Variants in MAP2K6 observed in about 807,000 individuals in gnomAD.
The protein encoded by MAP2K6 is dual specificity mitogen-activated protein kinase kinase 6.
MAP2K6 carries 16 observed loss-of-function variants against 53.7 expected under a neutral mutation model. That is an observed-to-expected ratio of 0.30 (90% CI 0.20 to 0.45). The LOEUF (loss-of-function observed/expected upper bound fraction) is 0.45, where lower values mean the gene tolerates loss of function less well. MAP2K6 is among the 20% of genes least tolerant of loss of function. The probability of loss-of-function intolerance (pLI) is 1.00; values close to 1 mark genes in which losing one functional copy is unlikely to be tolerated. For synonymous variants in MAP2K6, 132 were observed against 143.1 expected (o/e 0.92, Z 0.55); for missense variants, 204 against 411.9 (o/e 0.50, Z 4.37).
At chr17:69,505,912 T>G in intron 2 of MAP2K6, 66 bp downstream of exon 2, 1 of 1,397,902 alleles carries the variant, frequency 7.2e-7, no homozygotes. Flanking sequence ...TGGGGGTTTA[T>G]TTTTGGACTG....
chr17:69,414,947 C>A lies in MAP2K6; in HGVS notation c.-38C>A. On this transcript the variant is annotated 5_prime_UTR_variant, in exon 1 of 12. Coordinates refer to ENST00000590474, the MANE Select transcript of MAP2K6 (RefSeq NM_002758.4). ...CTACAGAAGAGAAGCAAGGCAAAGT[C>A]TTTTGTGCTCCCCTCCCCCATCAAA... The A allele has an allele frequency of 6.5e-7, 1 of 1,534,026 alleles. No individual in the cohort carries two copies. The highest frequency in any genetic ancestry group is 1.4e-5 in the African/African-American group (1 of 73,108).
chr17:69,502,829 CT>C, intron 1 of MAP2K6: 1 of 453,178 alleles, frequency 2.2e-6, no homozygotes, highest in Non-Finnish European at 2.9e-6. Context: ...GTGCTAAAAA[CT>C]TTCTCTCTTT....
At chr17:69,460,966 C>T (rs911303317) in intron 1 of MAP2K6, among the ~76,000 whole-genome samples, 26 of 152,146 alleles carry the variant, frequency 1.7e-4, no homozygotes, top group African/African-American at 4.8e-4. Flanking sequence ...GTGGGTGAGC[C>T]GCACGGGGAA....
chr17:69,500,051 G>A (rs1447425469), intron 1 of MAP2K6, among the ~76,000 whole-genome samples: 2 of 152,170 alleles, frequency 1.3e-5, no homozygotes, highest in African/African-American at 4.8e-5. Flanking sequence ...GACAGCTAGA[G>A]CCCTCCAGGT....
intron 1 of MAP2K6, among the ~76,000 whole-genome samples, chr17:69,462,563 G>T (rs529743852): frequency 6.6e-6 from 1 of 152,190 alleles, no homozygotes; most frequent in East Asian, 1.9e-4. Flanking sequence ...CAGAACTACG[G>T]TTTCTTTTTC....
chr17:69,484,547 C>A (rs941821479), intron 1 of MAP2K6, among the ~76,000 whole-genome samples: 5 of 152,018 alleles, frequency 3.3e-5, no homozygotes, highest in Admixed American at 3.3e-4. Flanking sequence ...TATAGAGTTA[C>A]TGTTGGACCT....
intron 1 of MAP2K6, among the ~76,000 whole-genome samples, chr17:69,471,026 C>A (rs891416517): frequency 6.6e-6 from 1 of 152,130 alleles, no homozygotes; most frequent in Admixed American, 6.5e-5. Flanking sequence ...TACCTGCACA[C>A]AGGAAGAGCT....
chr17:69,483,225 C>T (rs1426683593), intron 1 of MAP2K6, among the ~76,000 whole-genome samples: 2 of 151,778 alleles, frequency 1.3e-5, no homozygotes, highest in Non-Finnish European at 1.5e-5. Context: ...ACTAAGAAAA[C>T]TATTAGCACT....
intron 1 of MAP2K6, among the ~76,000 whole-genome samples, chr17:69,416,039 A>C (rs1287191720): frequency 2.6e-5 from 4 of 152,180 alleles, no homozygotes; most frequent in African/African-American, 9.7e-5. Context: ...GTTTCAGAAC[A>C]ATTGTTTCTT....
chr17:69,524,441 C>G (rs1910655273), intron 8 of MAP2K6, among the ~76,000 whole-genome samples: 1 of 150,654 alleles, frequency 6.6e-6, no homozygotes, highest in Non-Finnish European at 1.5e-5. Context: ...GGAACGGCCA[C>G]TAGATTCTAC....
At chr17:69,435,957 T>C (rs1906626988) in intron 1 of MAP2K6, among the ~76,000 whole-genome samples, 1 of 151,886 alleles carries the variant, frequency 6.6e-6, no homozygotes, top group African/African-American at 2.4e-5. Context: ...CGTGAGCCAC[T>C]GTGCCCAGCC....
chr17:69,521,727 C>A (rs1212309845), intron 7 of MAP2K6: 1 of 149,818 alleles, frequency 6.7e-6, no homozygotes, highest in African/African-American at 2.5e-5. Flanking sequence ...TAATAGATCC[C>A]CTGAGAGGTA....
intron 4 of MAP2K6, 24 bp from the exon 5 acceptor site, chr17:69,519,289 A>T (rs182187633): frequency 1.5e-5 from 24 of 1,609,898 alleles, no homozygotes; most frequent in Non-Finnish European, 2.0e-5. Flanking sequence ...AGTAACCATA[A>T]ATTTTCCATG....
rs565597486 is a variant in MAP2K6, at chr17:69,502,252, G to C, written c.17-3528G>C. On this transcript the variant is annotated intron_variant, in intron 1 of 11. Transcript: ENST00000590474. ...GCAATCCGAACTTGAGGAGGGGGTG[G>C]AGTCTGTTCAGTTCTGTTTCTCCTT... The C allele has an allele frequency of 4.1e-6, 4 of 985,400 alleles. No homozygotes were observed. The South Asian group carries it at 1.9e-4, about 46-fold the overall frequency. The allele number at this position is 985,400 out of a possible 1,614,324, so 61.0% of individuals were successfully genotyped here.
chr17:69,505,546 C>T (rs1005609887), intron 1 of MAP2K6: 15 of 393,548 alleles, frequency 3.8e-5, no homozygotes, highest in African/African-American at 1.9e-4. Flanking sequence ...CTGATGTTTG[C>T]CCCCTGGACT....
chr17:69,485,895 C>T (rs1908516132), intron 1 of MAP2K6, among the ~76,000 whole-genome samples: 1 of 152,108 alleles, frequency 6.6e-6, no homozygotes. Context: ...AACAAATGTA[C>T]AAAAAGTCCC....
chr17:69,422,056 C>G (rs1196934444), intron 1 of MAP2K6, among the ~76,000 whole-genome samples: 1 of 150,896 alleles, frequency 6.6e-6, no homozygotes, highest in African/African-American at 2.4e-5. Context: ...TAATCTCCCT[C>G]TTTCTGAGTT....
At chr17:69,484,142 G>GT (rs1489472974) in intron 1 of MAP2K6, among the ~76,000 whole-genome samples, 1 of 152,034 alleles carries the variant, frequency 6.6e-6, no homozygotes, top group Non-Finnish European at 1.5e-5. Flanking sequence ...AATCAGGAAA[G>GT]TGAAAAGGCA....
At chr17:69,509,921 A>C (rs1909728393) in intron 2 of MAP2K6, among the ~76,000 whole-genome samples, 1 of 152,020 alleles carries the variant, frequency 6.6e-6, no homozygotes, top group African/African-American at 2.4e-5. Context: ...GGCTCACTGC[A>C]GTCTCAGCCT....
Sources: allele counts gnomAD v4.1 joint callset (sites outside exome capture counted in the v4.1 genomes callset), GRCh38; gene constraint gnomAD v4.1.1; transcripts MANE v1.5; gene names NCBI Gene and HGNC (gene_info 2026-07-23, HGNC 2026-07-21).